Variants in DPP8 observed in about 807,000 individuals in gnomAD.
The protein encoded by DPP8 is DPP VIII.
DPP8 carries 31 observed loss-of-function variants against 107.5 expected under a neutral mutation model. That is an observed-to-expected ratio of 0.29 (90% CI 0.22 to 0.39). The LOEUF (loss-of-function observed/expected upper bound fraction) is 0.39. DPP8 is among the 10% of genes least tolerant of loss of function. DPP8 has a pLI of 1.00. For synonymous variants in DPP8, 381 were observed against 356.6 expected (o/e 1.07, Z -0.77); for missense variants, 842 against 1,076.1 (o/e 0.78, Z 3.04).
At chr15:65,467,391 T>C (rs2065456838) in intron 12 of DPP8, among the ~76,000 whole-genome samples, 168 bp from the exon 13 acceptor site, 1 of 152,196 alleles carries the variant, frequency 6.6e-6, no homozygotes, top group Admixed American at 6.6e-5. Flanking sequence ...ATTTATTTAT[T>C]TTTTAAAGAG....
chr15:65,450,581 G>T (rs1487336749), intron 19 of DPP8, among the ~76,000 whole-genome samples: 1 of 152,156 alleles, frequency 6.6e-6, no homozygotes, highest in East Asian at 1.9e-4. Flanking sequence ...GTAACTTGCT[G>T]GTTTTTCCTC....
chr15:65,461,783 T>C (rs1228351553), intron 15 of DPP8, among the ~76,000 whole-genome samples: 3 of 152,152 alleles, frequency 2.0e-5, no homozygotes, highest in Non-Finnish European at 4.4e-5. Context: ...GTATTTTTAG[T>C]AGACACAGGG....
At position 65,503,300 on chromosome 15, in the gene DPP8, T is replaced by A. The variant is rs532125988; in HGVS notation, c.373-2521A>T. ...TTTGTATTTTTAGTAGAGACGGGGT[T>A]TCTCCATGTTGATGAGGCTGGTCTC... On this transcript the variant is annotated intron_variant, in intron 3 of 19. Transcript: ENST00000300141. Among the ~76,000 whole-genome samples, 3 of 152,244 alleles carry A rather than the reference T, an allele frequency of 2.0e-5. No individual in the cohort carries two copies. In the East Asian group the frequency reaches 5.8e-4, roughly 29 times the overall value.
At chr15:65,513,245 GCT>G (rs1461956440) in intron 1 of DPP8, among the ~76,000 whole-genome samples, 4 of 149,384 alleles carry the variant, frequency 2.7e-5, no homozygotes, top group African/African-American at 7.4e-5. Flanking sequence ...ACGGAGTCTC[GCT>G]CTGTTACCCA....
At chr15:65,448,870 A>ATATATATGTGTATG (rs1567125150) in intron 19 of DPP8, among the ~76,000 whole-genome samples, 1 of 6,360 alleles carries the variant, frequency 1.6e-4, no homozygotes, top group African/African-American at 6.1e-4. Flanking sequence ...TCTAAAATAT[A>ATATATATGTGTATG]TATATATATA....
intron 15 of DPP8, chr15:65,459,588 T>C (rs1595880124): frequency 6.6e-6 from 1 of 152,218 alleles, no homozygotes; most frequent in Non-Finnish European, 1.5e-5. Context: ...AATTCACTCA[T>C]AGCCTTTCAA....
chr15:65,507,853 T>C (rs1247251606), intron 2 of DPP8, among the ~76,000 whole-genome samples: 1 of 152,116 alleles, frequency 6.6e-6, no homozygotes, highest in Non-Finnish European at 1.5e-5. Flanking sequence ...GAGATTCCAA[T>C]ATAACAACTT....
intron 5 of DPP8, among the ~76,000 whole-genome samples, chr15:65,495,369 A>T (rs2456008): frequency 6.6e-6 from 1 of 152,022 alleles, no homozygotes; most frequent in Non-Finnish European, 1.5e-5. Context: ...TTTGGGAGGC[A>T]GAGGTGGACG....
At chr15:65,479,479 G>C (rs148615416) in intron 10 of DPP8, among the ~76,000 whole-genome samples, 157 of 152,296 alleles carry the variant, frequency 1.0e-3, no homozygotes, top group African/African-American at 3.5e-3. Context: ...GCTAGGAAGT[G>C]AGATGGCTTT....
chr15:65,446,978 C>A lies in DPP8; in HGVS notation c.2555G>T (p.Arg852Ile). ...QIYPQERHSI[R>I]VPESGEHYEL... ...ATAATGTTCTCCCGATTCAGGAACTCTTATGCTGTGTCTCTCCTGAGGATA... is the reference window on the plus strand; with the variant it reads ...ATAATGTTCTCCCGATTCAGGAACTATTATGCTGTGTCTCTCCTGAGGATA... The change falls in exon 20 of 20, where the codon AGA becomes ATA. Residue 852 changes from arginine to isoleucine, a missense_variant. By Grantham distance (97) the Arg-to-Ile change is moderately conservative. Transcript: ENST00000300141. 1 of 1,609,926 alleles carries A rather than the reference C, an allele frequency of 6.2e-7. No individual in the cohort carries two copies. Among genetic ancestry groups the A allele is most frequent in the Non-Finnish European group, 8.5e-7 (1 of 1,177,776 alleles).
intron 11 of DPP8, among the ~76,000 whole-genome samples, chr15:65,478,012 TTTTC>T (rs2066563244): frequency 6.6e-6 from 1 of 152,194 alleles, no homozygotes; most frequent in Non-Finnish European, 1.5e-5. Context: ...ACCCATTTAC[TTTTC>T]CTAGGCTTAT....
intron 19 of DPP8, among the ~76,000 whole-genome samples, chr15:65,450,517 A>T (rs190527435): frequency 6.6e-6 from 1 of 152,352 alleles, no homozygotes; most frequent in Admixed American, 6.5e-5. Context: ...AGTAAAACAC[A>T]GTTTTAAGAA....
chr15:65,446,859 C>G lies in DPP8; in HGVS notation c.*25G>C. 6.3e-7 allele frequency: 1 copy of G among 1,594,042 alleles called. No homozygotes were observed. Among genetic ancestry groups the G allele is most frequent in the South Asian group, 1.1e-5 (1 of 87,372 alleles). The stretch of plus-strand genomic sequence containing the variant: ...CATTTGGTTAAATAGCCAGTGTATA[C>G]CAGAGAGTTCTACACAGGTCAAAAT... On this transcript the variant is annotated 3_prime_UTR_variant, in exon 20 of 20. Coordinates refer to ENST00000300141, the MANE Select transcript of DPP8 (RefSeq NM_130434.5).
At chr15:65,474,824 G>C (rs915184031) in intron 11 of DPP8, among the ~76,000 whole-genome samples, 5 of 152,166 alleles carry the variant, frequency 3.3e-5, no homozygotes, top group African/African-American at 9.6e-5. Flanking sequence ...AAAGTCTACA[G>C]TTAAAAAAAA....
intron 4 of DPP8, 116 bp from the exon 5 acceptor site, chr15:65,498,148 G>T: frequency 2.6e-6 from 2 of 782,004 alleles, no homozygotes; most frequent in Non-Finnish European, 3.7e-6. Flanking sequence ...GAGGCCGGGC[G>T]TGGTGACTTA....
At chr15:65,478,501 C>T (rs1419956881) in intron 11 of DPP8, among the ~76,000 whole-genome samples, 2 of 152,200 alleles carry the variant, frequency 1.3e-5, no homozygotes, top group Non-Finnish European at 2.9e-5. Flanking sequence ...CTCAGGTGAT[C>T]CGCCTGCCTT....
intron 8 of DPP8, 88 bp from the exon 9 acceptor site, chr15:65,481,703 A>G: frequency 1.2e-6 from 1 of 819,862 alleles, no homozygotes; most frequent in Non-Finnish European, 1.8e-6. Flanking sequence ...TTTATCCAAA[A>G]AGCAGAAAAT....
At chr15:65,516,640 A>T (rs948686424) in intron 1 of DPP8, 5 of 152,228 alleles carry the variant, frequency 3.3e-5, no homozygotes, top group Non-Finnish European at 5.9e-5. Context: ...ACTCAGAAAT[A>T]GAGCATGTTG....
chr15:65,449,124 T>C (rs970281493), intron 19 of DPP8, among the ~76,000 whole-genome samples: 129 of 141,338 alleles, frequency 9.1e-4, no homozygotes, highest in African/African-American at 3.2e-3. Flanking sequence ...GCATGAGAAC[T>C]GCTTGAACCC....
Sources: allele counts gnomAD v4.1 joint callset (sites outside exome capture counted in the v4.1 genomes callset), GRCh38; gene constraint gnomAD v4.1.1; transcripts MANE v1.5; gene names NCBI Gene and HGNC (gene_info 2026-07-23, HGNC 2026-07-21).